CDH13: variants seen among roughly 807,000 people sequenced by gnomAD.
CDH13 encodes cadherin 13.
In CDH13, 24 loss-of-function variants were observed where a neutral mutation model predicts 63.8. The observed-to-expected ratio is 0.38, with a 90% CI of 0.27 to 0.53. The LOEUF is 0.53. Ranked by LOEUF, CDH13 falls within the 20% of genes least tolerant of loss-of-function variation. CDH13 has a pLI of 0.85. For missense variants in CDH13, 1,049 were observed against 903.1 expected (o/e 1.16, Z -2.07); for synonymous variants, 503 against 355.3 (o/e 1.42, Z -4.67).
chr16:83,012,958 C>T (rs1914310108), intron 2 of CDH13, among the ~76,000 whole-genome samples: 1 of 152,148 alleles, frequency 6.6e-6, no homozygotes, highest in South Asian at 2.1e-4. Flanking sequence ...GAATCATTTT[C>T]CCCACTCTGC....
intron 8 of CDH13, among the ~76,000 whole-genome samples, chr16:83,647,534 A>G (rs532456279): frequency 1.3e-5 from 2 of 152,282 alleles, no homozygotes; most frequent in African/African-American, 4.8e-5. Context: ...GTGTGCATGC[A>G]TGCGTGTGTG....
At chr16:83,706,183 A>G (rs1907015115) in intron 10 of CDH13, among the ~76,000 whole-genome samples, 4 of 152,174 alleles carry the variant, frequency 2.6e-5, no homozygotes, top group Admixed American at 6.5e-5. Flanking sequence ...CAGCCAGAAC[A>G]TCTACTTGTG....
intron 3 of CDH13, among the ~76,000 whole-genome samples, chr16:83,123,936 T>G (rs1305339460): frequency 6.6e-6 from 1 of 152,226 alleles, no homozygotes; most frequent in East Asian, 1.9e-4. Context: ...TCGTTTCAAT[T>G]TGCATTTCTC....
chr16:83,629,047 C>G (rs1195494665), intron 8 of CDH13, among the ~76,000 whole-genome samples: 2 of 152,124 alleles, frequency 1.3e-5, no homozygotes, highest in African/African-American at 2.4e-5. Context: ...CCTATAAAAG[C>G]TCTCTTCCTT....
At chr16:83,394,719 AG>A (rs1164515686) in intron 6 of CDH13, among the ~76,000 whole-genome samples, 2 of 152,182 alleles carry the variant, frequency 1.3e-5, no homozygotes, top group African/African-American at 2.4e-5. Context: ...GCCATTGAGG[AG>A]GGTGGGACAG....
chr16:83,567,671 C>G (rs9929540), intron 7 of CDH13, among the ~76,000 whole-genome samples: 1,851 of 152,302 alleles, frequency 0.012, 31 homozygotes, highest in African/African-American at 0.042. Flanking sequence ...TCTGGGCTCG[C>G]TGCAAGCTCT....
intron 1 of CDH13, among the ~76,000 whole-genome samples, chr16:82,709,643 A>G (rs1252168203): frequency 6.6e-6 from 1 of 152,238 alleles, no homozygotes; most frequent in African/African-American, 2.4e-5. Context: ...GCGACATAGC[A>G]AGTGTTGGCT....
chr16:83,239,723 C>G (rs764292292), intron 5 of CDH13, among the ~76,000 whole-genome samples: 19 of 152,180 alleles, frequency 1.2e-4, no homozygotes, highest in Non-Finnish European at 2.5e-4. Context: ...CTCTTACTAC[C>G]TATCAATCAC....
chr16:82,741,681 C>T (rs1033547164), intron 1 of CDH13, among the ~76,000 whole-genome samples: 9 of 152,008 alleles, frequency 5.9e-5, no homozygotes, highest in African/African-American at 2.2e-4. Flanking sequence ...GAGAAACAGC[C>T]ATGGCACAAA....
chr16:82,815,439 G>T (rs1363219008), intron 1 of CDH13, among the ~76,000 whole-genome samples: 2 of 152,152 alleles, frequency 1.3e-5, no homozygotes, highest in Admixed American at 1.3e-4. Flanking sequence ...TGAGGTGGTT[G>T]TGAGGATTAC....
intron 7 of CDH13, among the ~76,000 whole-genome samples, chr16:83,545,737 C>T (rs1342858231): frequency 6.6e-6 from 1 of 152,168 alleles, no homozygotes; most frequent in Admixed American, 6.5e-5. Context: ...TTATATCAAG[C>T]AAGCCCTCCT....
rs1268553073 is a variant in CDH13, at chr16:82,644,753, C to T, written c.45+17616C>T. On this transcript the variant is annotated intron_variant, in intron 1 of 13. Transcript: ENST00000567109. The surrounding 1 kb of genome is among the most constrained non-coding windows in gnomAD (Gnocchi z 5.7). ...GGAGTCCGCTGGGCTCCCTCTGATT[C>T]TTAAAGCCTTTCCAGGTAGCAACAG... Among the ~76,000 whole-genome samples, 1 of 152,144 alleles carries T rather than the reference C, an allele frequency of 6.6e-6. No individual in the cohort carries two copies. The highest frequency in any genetic ancestry group is 1.5e-5 in the Non-Finnish European group (1 of 68,030).
At chr16:83,726,626 G>A (rs569166887) in intron 10 of CDH13, among the ~76,000 whole-genome samples, 4 of 152,152 alleles carry the variant, frequency 2.6e-5, no homozygotes, top group African/African-American at 9.7e-5. Context: ...ACGAGGTGAG[G>A]AGATCAAGAC....
chr16:83,175,930 G>C (rs554414536), intron 4 of CDH13, among the ~76,000 whole-genome samples: 4 of 147,082 alleles, frequency 2.7e-5, no homozygotes, highest in African/African-American at 1.0e-4. Context: ...CCAGGTTCAA[G>C]CGATTCTCCT....
intron 3 of CDH13, among the ~76,000 whole-genome samples, chr16:83,055,954 G>A (rs2030883349): frequency 6.6e-6 from 1 of 152,048 alleles, no homozygotes; most frequent in African/African-American, 2.4e-5. Context: ...TAATATATGG[G>A]TCTATTACAG....
intron 11 of CDH13, among the ~76,000 whole-genome samples, chr16:83,766,488 A>G (rs1373872367): frequency 6.6e-6 from 1 of 152,160 alleles, no homozygotes; most frequent in Non-Finnish European, 1.5e-5. Flanking sequence ...GTCTTCCTAC[A>G]TTTCATTGTT....
At chr16:83,041,822 T>G (rs1917354930) in intron 3 of CDH13, among the ~76,000 whole-genome samples, 1 of 152,220 alleles carries the variant, frequency 6.6e-6, no homozygotes, top group South Asian at 2.1e-4. Flanking sequence ...TACTCTGGCC[T>G]TGTGTGGATG....
intron 7 of CDH13, among the ~76,000 whole-genome samples, chr16:83,573,818 A>T (rs1036467461): frequency 2.6e-5 from 4 of 152,118 alleles, no homozygotes. Context: ...ACACTCATTT[A>T]TTTGGTAACT....
chr16:83,590,981 G>C (rs2150736175), intron 7 of CDH13, among the ~76,000 whole-genome samples: 1 of 142,470 alleles, frequency 7.0e-6, no homozygotes, highest in East Asian at 2.1e-4. Context: ...CGTGATCTTA[G>C]CACACCGCAA....
Sources: allele counts gnomAD v4.1 joint callset (sites outside exome capture counted in the v4.1 genomes callset), GRCh38; gene constraint gnomAD v4.1.1; non-coding constraint Gnocchi (gnomAD v3.1); transcripts MANE v1.5; gene names NCBI Gene and HGNC (gene_info 2026-07-23, HGNC 2026-07-21).